Variants in SPMIP11 observed in about 807,000 individuals in gnomAD.
SPMIP11 encodes the protein long intergenic non-protein coding RNA 935.
chr12:48,769,580 C>T, the SPMIP11 span, among the ~76,000 whole-genome samples: 1 of 150,664 alleles, frequency 6.6e-6, no homozygotes, highest in Non-Finnish European at 1.5e-5. Flanking sequence ...TGGCTTCATC[C>T]TTTCTTTTCT....
the SPMIP11 span, among the ~76,000 whole-genome samples, chr12:48,730,709 G>T: frequency 6.6e-6 from 1 of 152,096 alleles, no homozygotes; most frequent in African/African-American, 2.4e-5. Flanking sequence ...AGGCCGAGGC[G>T]GGTGGATCAC....
the SPMIP11 span, among the ~76,000 whole-genome samples, chr12:48,745,788 A>C: frequency 4.6e-5 from 7 of 152,220 alleles, no homozygotes; most frequent in Non-Finnish European, 1.0e-4. Context: ...GTGTATCAAA[A>C]GACATCATAA....
chr12:48,750,842 G>A, the SPMIP11 span, among the ~76,000 whole-genome samples: 1 of 152,104 alleles, frequency 6.6e-6, no homozygotes, highest in African/African-American at 2.4e-5. Context: ...GTTTCTTCCT[G>A]GTTGATTTCA....
At chr12:48,768,824 C>A in the SPMIP11 span, 1 of 1,549,510 alleles carries the variant, frequency 6.5e-7, no homozygotes, top group Non-Finnish European at 8.8e-7. Flanking sequence ...AGTCCCTGCC[C>A]CACCATACAC....
At chr12:48,742,301 A>C in the SPMIP11 span, among the ~76,000 whole-genome samples, 1 of 45,552 alleles carries the variant, frequency 2.2e-5, no homozygotes, top group African/African-American at 9.7e-5. Context: ...TTTTTTTTTG[A>C]GACGGAGTCT....
At chr12:48,745,299 A>G in the SPMIP11 span, among the ~76,000 whole-genome samples, 2 of 151,910 alleles carry the variant, frequency 1.3e-5, no homozygotes, top group Admixed American at 6.6e-5. Context: ...AGAGAATAAA[A>G]AGATGTTTCT....
At chr12:48,762,715 C>T in the SPMIP11 span, among the ~76,000 whole-genome samples, 2 of 151,920 alleles carry the variant, frequency 1.3e-5, no homozygotes, top group Non-Finnish European at 2.9e-5. Context: ...AAGAACAGAT[C>T]ACTGATTTCC....
the SPMIP11 span, among the ~76,000 whole-genome samples, chr12:48,760,813 C>T: frequency 3.3e-5 from 5 of 152,194 alleles, no homozygotes; most frequent in South Asian, 2.1e-4. Context: ...AGGCGTGAGC[C>T]GCCACTTAGG....
chr12:48,738,930 T>TC, the SPMIP11 span, among the ~76,000 whole-genome samples: 1 of 151,860 alleles, frequency 6.6e-6, no homozygotes, highest in Middle Eastern at 3.4e-3. Context: ...AGAACTTTTT[T>TC]TTTTTTGCTT....
chr12:48,770,842 A>C, the SPMIP11 span: 2 of 1,614,244 alleles, frequency 1.2e-6, no homozygotes, highest in African/African-American at 2.7e-5. Context: ...TGGCGTAGTC[A>C]GCCAGGGCAG....
the SPMIP11 span, among the ~76,000 whole-genome samples, chr12:48,747,696 A>G: frequency 6.6e-6 from 1 of 152,188 alleles, no homozygotes; most frequent in Non-Finnish European, 1.5e-5. Flanking sequence ...GTTTTGCTTC[A>G]ACCATATCAT....
At chr12:48,764,854 C>A in the SPMIP11 span, 4 of 702,858 alleles carry the variant, frequency 5.7e-6, no homozygotes, top group African/African-American at 1.7e-5. Context: ...CATTCAGTTC[C>A]CAATCAGGTC....
chr12:48,763,825 C>T, the SPMIP11 span, among the ~76,000 whole-genome samples: 1 of 150,950 alleles, frequency 6.6e-6, no homozygotes, highest in East Asian at 2.0e-4. Flanking sequence ...ATTACAGGCA[C>T]CCCCCACGAT....
chr12:48,756,401 G>A, the SPMIP11 span, among the ~76,000 whole-genome samples: 1 of 152,196 alleles, frequency 6.6e-6, no homozygotes, highest in African/African-American at 2.4e-5. Flanking sequence ...ACTGTACAGG[G>A]AGGGGATTCA....
chr12:48,731,478 G>A, the SPMIP11 span, among the ~76,000 whole-genome samples: 1 of 150,562 alleles, frequency 6.6e-6, no homozygotes, highest in Non-Finnish European at 1.5e-5. Context: ...GCGACAGAGC[G>A]AGACTCCATC....
At chr12:48,735,444 C>T in the SPMIP11 span, among the ~76,000 whole-genome samples, 39 of 151,970 alleles carry the variant, frequency 2.6e-4, 2 homozygotes, top group Admixed American at 2.5e-3. Context: ...ACCCTCTCTA[C>T]TAAGGTGGCA....
chr12:48,754,227 C>G, the SPMIP11 span, among the ~76,000 whole-genome samples: 1 of 151,976 alleles, frequency 6.6e-6, no homozygotes, highest in East Asian at 1.9e-4. Context: ...ATAGCAAGAC[C>G]CTTTCTCTAC....
At chr12:48,760,114 T>C in the SPMIP11 span, among the ~76,000 whole-genome samples, 2 of 151,164 alleles carry the variant, frequency 1.3e-5, no homozygotes, top group Admixed American at 6.6e-5. Context: ...GAAATTTGAA[T>C]TAGACTTGGA....
At chr12:48,731,158 C>G in the SPMIP11 span, among the ~76,000 whole-genome samples, 1 of 152,130 alleles carries the variant, frequency 6.6e-6, no homozygotes, top group East Asian at 1.9e-4. Flanking sequence ...AATCTGTTAA[C>G]CCCCAAACCC....
Sources: allele counts gnomAD v4.1 joint callset (sites outside exome capture counted in the v4.1 genomes callset), GRCh38; gene constraint gnomAD v4.1.1; transcripts MANE v1.5; gene names NCBI Gene and HGNC (gene_info 2026-07-23, HGNC 2026-07-21).